Variants in SCNM1 observed in about 807,000 individuals in gnomAD.
The protein encoded by SCNM1 is sodium channel modifier 1.
Under a neutral mutation model 32.8 loss-of-function variants are expected in SCNM1, and 24 were observed. The ratio of observed to expected loss-of-function variants is 0.73; its 90% confidence interval spans 0.53 to 1.03. SCNM1 has a LOEUF of 1.03. SCNM1 is among the 50% of genes least tolerant of loss of function. The pLI is 0.00. For missense variants in SCNM1, 274 were observed against 282.3 expected (o/e 0.97, Z 0.21); for synonymous variants, 99 against 103.2 (o/e 0.96, Z 0.25).
intron 2 of SCNM1, 56 bp downstream of exon 2, chr1:151,166,597 CTT>C (rs869155499): frequency 7.4e-4 from 964 of 1,301,166 alleles, no homozygotes; most frequent in South Asian, 1.6e-3. Context: ...GCTCAATAGA[CTT>C]TTTTTTTTTT....
rs1216290484 is a variant in SCNM1, at chr1:151,169,862, G to A, written c.*777G>A. ...GAGGGAACACCCCCACCTCCTCCTA[G>A]TAACCTGAACCTCCCTGCCTGCTGA... is the stretch of plus-strand genomic sequence containing the variant. On this transcript the variant is annotated 3_prime_UTR_variant, in exon 7 of 7. Coordinates refer to ENST00000368905, the MANE Select transcript of SCNM1 (RefSeq NM_024041.4). 3 of 569,880 alleles carry A rather than the reference G, an allele frequency of 5.3e-6. No homozygotes were observed. 35.3% of individuals were successfully genotyped at this position (569,880 alleles called of 1,614,324 possible). A position where few individuals can be genotyped will look rare whatever the true frequency, so the allele number is the denominator to read the frequency against.
At chr1:151,168,361 C>T in intron 6 of SCNM1, 23 bp downstream of exon 6, 1 of 1,550,628 alleles carries the variant, frequency 6.4e-7, no homozygotes, top group Non-Finnish European at 8.7e-7. Flanking sequence ...AATCAGTTTC[C>T]TCAGATTTTC....
rs5777765 is a variant in SCNM1, at chr1:151,169,240, CTTTTTTTTTT to C, written c.*168_*177del. On this transcript the variant is annotated 3_prime_UTR_variant, in exon 7 of 7. Transcript: ENST00000368905. Reference sequence around the variant, plus strand: ...GCAAGGTACACAGCTCTCCACACTCCTTTTTTTTTTTTTTTTTTTTTTGAGGCAGAGTCTC... The same window carrying C: ...GCAAGGTACACAGCTCTCCACACTCCTTTTTTTTTTTTGAGGCAGAGTCTC... The C allele has an allele frequency of 4.8e-3, 1,344 of 282,548 alleles. 23 individuals carry two copies. The South Asian group carries it at 0.056, about 12-fold the overall frequency. The allele number at this position is 282,548 out of a possible 1,614,324, so 17.5% of individuals were successfully genotyped here. A position where few individuals can be genotyped will look rare whatever the true frequency, so the allele number is the denominator to read the frequency against.
intron 6 of SCNM1, 29 bp from the exon 7 acceptor site, chr1:151,168,957 A>T (rs775148815): frequency 6.2e-7 from 1 of 1,613,388 alleles, no homozygotes. Flanking sequence ...CTCTTTCCTG[A>T]TCGATGCTAT....
chr1:151,167,497 G>A (rs948381109), intron 5 of SCNM1, 83 bp downstream of exon 5: 2 of 1,546,140 alleles, frequency 1.3e-6, no homozygotes, highest in African/African-American at 1.4e-5. Context: ...GTATTCTGAG[G>A]AATACTAGTG....
chr1:151,167,094 T>G, intron 3 of SCNM1, 27 bp from the exon 4 acceptor site: 1 of 1,614,208 alleles, frequency 6.2e-7, no homozygotes, highest in Non-Finnish European at 8.5e-7. Context: ...GTGCTATGCT[T>G]TTAATTCTGT....
chr1:151,166,967 A>G lies in SCNM1; in HGVS notation c.156A>G (p.Val52=). The G allele has an allele frequency of 6.2e-7, 1 of 1,614,092 alleles. No individual in the cohort carries two copies. The highest frequency in any genetic ancestry group is 8.5e-7 in the Non-Finnish European group (1 of 1,180,004). The change falls in exon 3 of 7, where the codon GTA becomes GTG. Residue 52 remains valine, a synonymous_variant. Coordinates refer to ENST00000368905, the MANE Select transcript of SCNM1 (RefSeq NM_024041.4). ...GTGCCATCTGCCCCCATCGACCGGT[A>G]CTGGACACCCTGGCCATGCTGACTG... The part of the protein sequence containing the change: ...FACAICPHRP[V]LDTLAMLTAH...
In SCNM1 at chr1:151,169,118, C is replaced by T; in HGVS notation, c.*33C>T. Reference sequence around the variant, plus strand: ...TTCCCATTCATTCACAAATAAATTACAATGGGTGCTGAGAACTTAACTTTC... The same window carrying T: ...TTCCCATTCATTCACAAATAAATTATAATGGGTGCTGAGAACTTAACTTTC... On this transcript the variant is annotated 3_prime_UTR_variant, in exon 7 of 7. Coordinates refer to ENST00000368905, the MANE Select transcript of SCNM1 (RefSeq NM_024041.4). 1.2e-6 allele frequency: 2 copies of T among 1,612,216 alleles called. No homozygotes were observed. The highest frequency in any genetic ancestry group is 1.7e-6 in the Non-Finnish European group (2 of 1,178,436).
At position 151,170,213 on chromosome 1, in the gene SCNM1, T is replaced by C. The variant is rs1455091387; in HGVS notation, c.*1128T>C. 2 of 1,298,900 alleles carry C rather than the reference T, an allele frequency of 1.5e-6. No homozygotes were observed. The highest frequency in any genetic ancestry group is 1.8e-5 in the Admixed American group (1 of 54,482). The allele number at this position is 1,298,900 out of a possible 1,614,324, so 80.5% of individuals were successfully genotyped here. On this transcript the variant is annotated 3_prime_UTR_variant, in exon 7 of 7. Transcript: ENST00000368905. ...CCAAACTCATAAATTGGTAGTGTCT[T>C]AGGCCACCTTACAGGCCCATCCCAC...
Position 151,166,468 on chromosome 1 carries a change from C to A in SCNM1, c.52-3C>A. 2 of 1,613,998 alleles carry A rather than the reference C, an allele frequency of 1.2e-6. No individual in the cohort carries two copies. Among genetic ancestry groups the A allele is most frequent in the Non-Finnish European group, 1.7e-6 (2 of 1,179,990 alleles). Reference sequence around the variant, plus strand: ...TCCGGATTTCTTCCCCTACTCCCTGCAGAAAAGAAGAGTCGGGGACCTCCT... The same window carrying A: ...TCCGGATTTCTTCCCCTACTCCCTGAAGAAAAGAAGAGTCGGGGACCTCCT... On this transcript the variant is annotated splice_region_variant and splice_polypyrimidine_tract_variant and intron_variant, in intron 1 of 6. Transcript: ENST00000368905.
In SCNM1 at chr1:151,170,078, G is replaced by A. The variant is rs1558207781; in HGVS notation, c.*993G>A. ...GCGCTAGTTGGTAAAGGGAAATGCA[G>A]TGTTATCTCTTCTTTTGCTGGCGAC... On this transcript the variant is annotated 3_prime_UTR_variant, in exon 7 of 7. Coordinates refer to ENST00000368905, the MANE Select transcript of SCNM1 (RefSeq NM_024041.4). 8.7e-6 allele frequency: 14 copies of A among 1,614,040 alleles called. No individual in the cohort carries two copies. The East Asian group carries it at 2.7e-4, about 31-fold the overall frequency.
At chr1:151,166,720 C>A in intron 2 of SCNM1, 179 bp downstream of exon 2, 1 of 1,246,166 alleles carries the variant, frequency 8.0e-7, no homozygotes, top group Non-Finnish European at 1.1e-6. Context: ...AAGCGCATGC[C>A]ACCACGCCTG....
chr1:151,170,220 C>T lies in SCNM1; in HGVS notation c.*1135C>T, dbSNP rs1683903517. ...CATAAATTGGTAGTGTCTTAGGCCA[C>T]CTTACAGGCCCATCCCACATTAACA... On this transcript the variant is annotated 3_prime_UTR_variant, in exon 7 of 7. Coordinates refer to ENST00000368905, the MANE Select transcript of SCNM1 (RefSeq NM_024041.4). 8.7e-7 allele frequency: 1 copy of T among 1,144,860 alleles called. No individual in the cohort carries two copies. The highest frequency in any genetic ancestry group is 1.3e-6 in the Non-Finnish European group (1 of 778,496). The allele number at this position is 1,144,860 out of a possible 1,614,324, so 70.9% of individuals were successfully genotyped here.
In SCNM1 at chr1:151,168,128, ATTC is replaced by A. The variant is rs745913595; in HGVS notation, c.399-11_399-9del. 1.3e-6 allele frequency: 2 copies of A among 1,589,388 alleles called. No individual in the cohort carries two copies. The highest frequency in any genetic ancestry group is 1.4e-5 in the African/African-American group (1 of 73,780). On this transcript the variant is annotated splice_polypyrimidine_tract_variant and intron_variant, in intron 5 of 6. Transcript: ENST00000368905. ...CTTTCCCTTACTGCTTTTACAGACT[ATTC>A]TTCTCTACCTAGACCAGAAGCCCCT... is the stretch of plus-strand genomic sequence containing the variant.
rs200008060 is a variant in SCNM1, at chr1:151,166,479, A to C, written c.60A>C (p.Arg20Ser). 1.2e-6 allele frequency: 2 copies of C among 1,613,968 alleles called. No homozygotes were observed. Among genetic ancestry groups the C allele is most frequent in the African/African-American group, 2.7e-5 (2 of 74,904 alleles). ...TCCCCTACTCCCTGCAGAAAAGAAGAGTCGGGGACCTCCTAGCCAGTTACA... is the reference window on the plus strand; with the variant it reads ...TCCCCTACTCCCTGCAGAAAAGAAGCGTCGGGGACCTCCTAGCCAGTTACA... ...WSQLNVLKKRRVGDLLASYIP... is the reference protein window; with the variant it reads ...WSQLNVLKKRSVGDLLASYIP... Residue 20 changes from arginine (R) to serine (S), a missense_variant, in exon 2 of 7, where the codon AGA becomes AGC. Coordinates refer to ENST00000368905, the MANE Select transcript of SCNM1 (RefSeq NM_024041.4).
rs200379298 is a variant in SCNM1 at position 151,169,064 on chromosome 1, A to T, written c.672A>T (p.Pro224=). The T allele has an allele frequency of 3.1e-6, 5 of 1,613,852 alleles. No homozygotes were observed. In the African/African-American group the frequency reaches 5.3e-5, roughly 17 times the overall value. The part of the protein sequence containing the change: ...NVEFDSDEEE[P]PDLPLD The stretch of plus-strand genomic sequence containing the variant: ...AGTTTGACTCTGATGAGGAGGAACC[A>T]CCTGATCTCCCCTTGGACTGATACC... Residue 224 remains proline (P), a synonymous_variant, in exon 7 of 7, where the codon CCA becomes CCT. Coordinates refer to ENST00000368905, the MANE Select transcript of SCNM1 (RefSeq NM_024041.4).
At position 151,169,523 on chromosome 1, in the gene SCNM1, C is replaced by T; in HGVS notation, c.*438C>T. The T allele has an allele frequency of 5.6e-5, 10 of 179,208 alleles. No homozygotes were observed. Among genetic ancestry groups the T allele is most frequent in the South Asian group, 3.5e-4 (3 of 8,560 alleles). 11.1% of individuals were successfully genotyped at this position (179,208 alleles called of 1,614,324 possible). A position where few individuals can be genotyped will look rare whatever the true frequency, so the allele number is the denominator to read the frequency against. ...CCTCCCAAAGTGCTGGGATTACAGG[C>T]ATGAGCCACCGCACCCAGCCACGGC... On this transcript the variant is annotated 3_prime_UTR_variant, in exon 7 of 7. Transcript: ENST00000368905.
At chr1:151,167,281 G>A in intron 4 of SCNM1, 45 bp from the exon 5 acceptor site, 7 of 1,613,974 alleles carry the variant, frequency 4.3e-6, no homozygotes, top group Non-Finnish European at 5.9e-6. Context: ...GGCTGGAAGG[G>A]CGGAGGGCTG....
rs766365254 is a variant in SCNM1 at position 151,169,891 on chromosome 1, CCA to C, written c.*807_*808del. On this transcript the variant is annotated 3_prime_UTR_variant, in exon 7 of 7. Transcript: ENST00000368905. ...CCTGAACCTCCCTGCCTGCTGATCC[CCA>C]GAGTATAAATAATCCCCTGGTGAAC... 1 of 630,276 alleles carries C rather than the reference CCA, an allele frequency of 1.6e-6. No individual in the cohort carries two copies. Among genetic ancestry groups the C allele is most frequent in the Non-Finnish European group, 2.8e-6 (1 of 360,450 alleles). The allele number at this position is 630,276 out of a possible 1,614,324, so 39.0% of individuals were successfully genotyped here.
Sources: allele counts gnomAD v4.1 joint callset, GRCh38; gene constraint gnomAD v4.1.1; transcripts MANE v1.5; gene names NCBI Gene and HGNC (gene_info 2026-07-23, HGNC 2026-07-21).